The following APP variants were observed in gnomAD, a reference collection of about 807,000 sequenced individuals.
The protein encoded by APP is amyloid-beta precursor protein.
A neutral mutation model predicts 101.4 loss-of-function variants in APP; 31 were observed. The observed-to-expected ratio is 0.31, with a 90% confidence interval of 0.23 to 0.41. The LOEUF (loss-of-function observed/expected upper bound fraction) is 0.41. APP is among the 10% of genes least tolerant of loss of function. APP has a pLI of 1.00. For missense variants in APP, 839 were observed against 1,003.7 expected (o/e 0.84, Z 2.22); for synonymous variants, 366 against 364.4 (o/e 1.00, Z -0.05).
chr21:26,041,807 T>C (rs2045380822), intron 5 of APP, among the ~76,000 whole-genome samples: 3 of 147,298 alleles, frequency 2.0e-5, no homozygotes, highest in South Asian at 4.4e-4. Flanking sequence ...GACATACATG[T>C]AGTCCAAGTT....
At chr21:26,019,171 C>G (rs994670796) in intron 6 of APP, among the ~76,000 whole-genome samples, 1 of 152,224 alleles carries the variant, frequency 6.6e-6, no homozygotes. Flanking sequence ...CTGCAGCGCA[C>G]AGTAGCTTCT....
chr21:25,899,370 G>C (rs931443593), intron 15 of APP, among the ~76,000 whole-genome samples: 2 of 152,118 alleles, frequency 1.3e-5, no homozygotes, highest in African/African-American at 4.8e-5. Context: ...CCCTTCCTTC[G>C]AATGTGGTCG....
chr21:25,997,161 T>C, intron 8 of APP, 199 bp downstream of exon 8: 1 of 608,406 alleles, frequency 1.6e-6, no homozygotes, highest in Non-Finnish European at 2.9e-6. Context: ...ACTTAGTCAA[T>C]GATGTTCTTA....
chr21:26,105,087 A>AAG (rs1555876418), intron 2 of APP, among the ~76,000 whole-genome samples: 1 of 132,146 alleles, frequency 7.6e-6, no homozygotes, highest in African/African-American at 2.6e-5. Flanking sequence ...AAAAAAAAAA[A>AAG]AAGAAGAAGA....
At chr21:25,943,766 C>T (rs916288888) in intron 13 of APP, among the ~76,000 whole-genome samples, 1 of 152,210 alleles carries the variant, frequency 6.6e-6, no homozygotes, top group Non-Finnish European at 1.5e-5. Context: ...ACTTCTAAGA[C>T]TTCCTTACAA....
chr21:26,112,647 G>A (rs1032597147), intron 1 of APP, among the ~76,000 whole-genome samples: 1 of 152,180 alleles, frequency 6.6e-6, no homozygotes, highest in Admixed American at 6.5e-5. Context: ...GCAAGTGACT[G>A]TATTATGATT....
chr21:26,080,684 G>A (rs557978512), intron 3 of APP, among the ~76,000 whole-genome samples: 2 of 151,554 alleles, frequency 1.3e-5, no homozygotes, highest in Non-Finnish European at 2.9e-5. Context: ...GGCAGAGAAT[G>A]GCTTGAACTC....
At chr21:25,954,519 C>A in intron 13 of APP, 71 bp downstream of exon 13, 1 of 1,327,708 alleles carries the variant, frequency 7.5e-7, no homozygotes, top group Non-Finnish European at 1.1e-6. Context: ...AAACAGATAA[C>A]TCACTTCCTC....
chr21:26,129,511 A>G (rs1484263536), intron 1 of APP, among the ~76,000 whole-genome samples: 1 of 152,132 alleles, frequency 6.6e-6, no homozygotes, highest in Non-Finnish European at 1.5e-5. Flanking sequence ...TTTAAACTAT[A>G]CAGGTGAACT....
chr21:26,136,585 A>G (rs191023958), intron 1 of APP, among the ~76,000 whole-genome samples: 1 of 152,300 alleles, frequency 6.6e-6, no homozygotes, highest in East Asian at 1.9e-4. Flanking sequence ...ATCTAAAAAT[A>G]TGGATTTTTA....
intron 5 of APP, among the ~76,000 whole-genome samples, chr21:26,024,530 T>C (rs1014613226): frequency 2.0e-5 from 3 of 151,950 alleles, no homozygotes; most frequent in Admixed American, 6.6e-5. Context: ...TCTACGACAA[T>C]AGAAAGGAAG....
chr21:26,112,163 C>CA lies in APP; in HGVS notation c.58-18dup. ...AGTGGGTACCTGAAAGAAGAAGCTT[C>CA]AGTTAGTTATAGTATCCATAGCTCC... On this transcript the variant is annotated splice_polypyrimidine_tract_variant and intron_variant, in intron 1 of 17. Transcript: ENST00000346798. 1.2e-6 allele frequency: 2 copies of CA among 1,613,374 alleles called. No homozygotes were observed. The highest frequency in any genetic ancestry group is 1.7e-6 in the Non-Finnish European group (2 of 1,179,870).
At position 25,997,395 on chromosome 21, in the gene APP, G is replaced by A; in HGVS notation, c.1055C>T (p.Thr352Ile). ...ATCTCGGGCAAGAGGTTCCTGGGTA[G>A]TCTTGAGTAAACTTTGGGACACTAT... ...GSAMSQSLLK[T>I]TQEPLARDPV... Residue 352 changes from threonine to isoleucine, a missense_variant, in exon 8 of 18, where the codon ACT becomes ATT. Coordinates refer to ENST00000346798, the MANE Select transcript of APP (RefSeq NM_000484.4). 1.2e-6 allele frequency: 2 copies of A among 1,613,704 alleles called. No individual in the cohort carries two copies. The highest frequency in any genetic ancestry group is 8.5e-7 in the Non-Finnish European group (1 of 1,179,652).
At chr21:26,157,528 C>G (rs73178507) in intron 1 of APP, among the ~76,000 whole-genome samples, 10,135 of 152,238 alleles carry the variant, frequency 0.067, 454 homozygotes, top group Middle Eastern at 0.15. Context: ...CATATTTCAA[C>G]TAAATATTTA....
At position 26,017,238 on chromosome 21, in the gene APP, T is replaced by C. The variant is rs535548226; in HGVS notation, c.865+4602A>G. Reference sequence around the variant, plus strand: ...AAAAAATTCTTGGCCTTAGAGATCTTGGCTTTAAACGGGGAAGTAAAATTT... The same window carrying C: ...AAAAAATTCTTGGCCTTAGAGATCTCGGCTTTAAACGGGGAAGTAAAATTT... On this transcript the variant is annotated intron_variant, in intron 6 of 17. Transcript: ENST00000346798. Among the ~76,000 whole-genome samples the C allele has an allele frequency of 2.4e-4, 34 of 142,752 alleles. No homozygotes were observed. The South Asian group carries it at 4.4e-3, about 18-fold the overall frequency. 93.7% of individuals were successfully genotyped at this position (142,752 alleles called of 152,430 possible). A position where few individuals can be genotyped will look rare whatever the true frequency, so the allele number is the denominator to read the frequency against.
At chr21:25,887,517 G>GAAAAAAAAAAA (rs199637906) in intron 17 of APP, among the ~76,000 whole-genome samples, 3 of 114,460 alleles carry the variant, frequency 2.6e-5, no homozygotes, top group Non-Finnish European at 3.5e-5. Context: ...CTGCTTATTT[G>GAAAAAAAAAAA]AAAAAAAAAA....
chr21:26,109,092 G>C (rs1214371979), intron 2 of APP, among the ~76,000 whole-genome samples: 3 of 152,124 alleles, frequency 2.0e-5, no homozygotes, highest in Non-Finnish European at 4.4e-5. Flanking sequence ...GGTAGGCAGA[G>C]GACAGATAAT....
intron 5 of APP, among the ~76,000 whole-genome samples, chr21:26,047,381 A>G (rs1274316060): frequency 6.6e-6 from 1 of 152,196 alleles, no homozygotes; most frequent in Non-Finnish European, 1.5e-5. Flanking sequence ...GGTACGTTAA[A>G]CTTCTATTCT....
chr21:26,116,402 T>G (rs947365722), intron 1 of APP, among the ~76,000 whole-genome samples: 1 of 152,194 alleles, frequency 6.6e-6, no homozygotes, highest in African/African-American at 2.4e-5. Context: ...AATATAAACA[T>G]ATATACCTAA....
Sources: allele counts gnomAD v4.1 joint callset (sites outside exome capture counted in the v4.1 genomes callset), GRCh38; gene constraint gnomAD v4.1.1; transcripts MANE v1.5; gene names NCBI Gene and HGNC (gene_info 2026-07-23, HGNC 2026-07-21).